SCAPER: variants seen among roughly 807,000 people sequenced by gnomAD.
SCAPER encodes S-phase cyclin A associated protein in the ER.
Under a neutral mutation model 182.2 loss-of-function variants are expected in SCAPER, and 98 were observed. The observed-to-expected ratio is 0.54, with a 90% CI of 0.46 to 0.64. The LOEUF (loss-of-function observed/expected upper bound fraction) is 0.64. Among genes scored for constraint, SCAPER ranks in the 30% least tolerant of loss-of-function variants. The pLI is 0.00. For synonymous variants in SCAPER, 605 were observed against 564.6 expected (o/e 1.07, Z -1.01); for missense variants, 1,432 against 1,690.0 (o/e 0.85, Z 2.68).
intron 23 of SCAPER, among the ~76,000 whole-genome samples, chr15:76,568,740 T>C (rs1039582506): frequency 6.6e-6 from 1 of 152,178 alleles, no homozygotes; most frequent in African/African-American, 2.4e-5. Context: ...AATAGTGTTT[T>C]AGAATTTCCA....
chr15:76,769,003 CA>C (rs1438093091), intron 10 of SCAPER, among the ~76,000 whole-genome samples: 1 of 152,004 alleles, frequency 6.6e-6, no homozygotes, highest in Non-Finnish European at 1.5e-5. Flanking sequence ...AGAAGTCAAG[CA>C]AAGCTTACAC....
chr15:76,881,938 AAG>A (rs2073567047), intron 2 of SCAPER, among the ~76,000 whole-genome samples: 1 of 152,218 alleles, frequency 6.6e-6, no homozygotes, highest in South Asian at 2.1e-4. Flanking sequence ...GAAGAGGAAG[AAG>A]AGAGAAGAAA....
chr15:76,765,758 GA>G (rs1280894498), intron 11 of SCAPER, 120 bp from the exon 12 acceptor site: 1 of 811,980 alleles, frequency 1.2e-6, no homozygotes, highest in East Asian at 2.7e-5. Flanking sequence ...ACCAACAGTT[GA>G]AAACCAGGAA....
intron 24 of SCAPER, among the ~76,000 whole-genome samples, chr15:76,494,803 A>ATG (rs1174045433): frequency 1.3e-5 from 2 of 152,108 alleles, no homozygotes; most frequent in African/African-American, 4.8e-5. Flanking sequence ...CTCAACTATG[A>ATG]TGTAAGCTCT....
At chr15:76,621,032 T>C (rs1485517751) in intron 22 of SCAPER, among the ~76,000 whole-genome samples, 1 of 151,914 alleles carries the variant, frequency 6.6e-6, no homozygotes, top group Non-Finnish European at 1.5e-5. Flanking sequence ...TTTAAAAGAG[T>C]CATCTATGTA....
intron 27 of SCAPER, among the ~76,000 whole-genome samples, chr15:76,382,308 A>AG (rs1461943783): frequency 2.6e-5 from 4 of 152,244 alleles, no homozygotes; most frequent in South Asian, 2.1e-4. Context: ...GTAAAGCAGC[A>AG]GGGGTATGCT....
chr15:76,425,329 T>C (rs1180687782), intron 26 of SCAPER, among the ~76,000 whole-genome samples: 1 of 152,172 alleles, frequency 6.6e-6, no homozygotes, highest in Non-Finnish European at 1.5e-5. Flanking sequence ...TTACTCTTTT[T>C]TCTCTAAACT....
At chr15:76,794,319 G>A (rs991111122) in intron 8 of SCAPER, among the ~76,000 whole-genome samples, 1 of 152,050 alleles carries the variant, frequency 6.6e-6, no homozygotes, top group African/African-American at 2.4e-5. Context: ...TAAGTTTTTT[G>A]CAATTTTGAT....
intron 28 of SCAPER, among the ~76,000 whole-genome samples, chr15:76,377,114 C>T (rs2042626679): frequency 6.6e-6 from 1 of 152,206 alleles, no homozygotes; most frequent in Non-Finnish European, 1.5e-5. Flanking sequence ...TGGGAAAAGG[C>T]AGAGTTTTAA....
chr15:76,421,643 A>G (rs1262775871), intron 26 of SCAPER, among the ~76,000 whole-genome samples: 1 of 152,086 alleles, frequency 6.6e-6, no homozygotes, highest in Non-Finnish European at 1.5e-5. Context: ...CCATTTGTCA[A>G]CTTTGGCTTT....
At chr15:76,859,547 A>T (rs531518682) in intron 3 of SCAPER, among the ~76,000 whole-genome samples, 1 of 152,232 alleles carries the variant, frequency 6.6e-6, no homozygotes, top group African/African-American at 2.4e-5. Context: ...TATTGTAGTC[A>T]TAAAACAAGA....
chr15:76,574,643 G>A (rs1245073156), intron 22 of SCAPER, among the ~76,000 whole-genome samples: 3 of 152,092 alleles, frequency 2.0e-5, no homozygotes, highest in Admixed American at 6.6e-5. Flanking sequence ...ACCTGAGCAG[G>A]TTTTTATATT....
At chr15:76,482,024 A>G (rs1178314373) in intron 24 of SCAPER, among the ~76,000 whole-genome samples, 1 of 152,126 alleles carries the variant, frequency 6.6e-6, no homozygotes, top group Non-Finnish European at 1.5e-5. Flanking sequence ...TGGCAAGACT[A>G]TAGGTGGTGG....
intron 22 of SCAPER, among the ~76,000 whole-genome samples, chr15:76,610,244 C>T (rs2050857989): frequency 6.6e-6 from 1 of 152,056 alleles, no homozygotes; most frequent in Non-Finnish European, 1.5e-5. Flanking sequence ...CACCCACCAT[C>T]CTCTAAACCC....
rs576038585 is a variant in SCAPER, at chr15:76,767,201, A to G, written c.1249-113T>C. 12 of 1,037,900 alleles carry G rather than the reference A, an allele frequency of 1.2e-5. No homozygotes were observed. In the East Asian group the frequency reaches 3.3e-4, roughly 28 times the overall value. The allele number at this position is 1,037,900 out of a possible 1,614,324, so 64.3% of individuals were successfully genotyped here. A position where few individuals can be genotyped will look rare whatever the true frequency, so the allele number is the denominator to read the frequency against. The stretch of plus-strand genomic sequence containing the variant: ...AGTATACATAAAATTGTATTGATCT[A>G]GAATCATAAAAGCTGGGGTTCCATA... On this transcript the variant is annotated intron_variant, in intron 10 of 31. Transcript: ENST00000563290.
At chr15:76,590,379 AAG>A (rs2049016939) in intron 22 of SCAPER, among the ~76,000 whole-genome samples, 1 of 151,156 alleles carries the variant, frequency 6.6e-6, no homozygotes, top group Non-Finnish European at 1.5e-5. Context: ...ATTTAAGGGA[AAG>A]AGAATGTCAT....
chr15:76,550,427 A>G (rs1354856019), intron 23 of SCAPER, among the ~76,000 whole-genome samples: 1 of 152,090 alleles, frequency 6.6e-6, no homozygotes, highest in Non-Finnish European at 1.5e-5. Context: ...TTCCACTTAT[A>G]ACTGAGAACA....
Position 76,506,196 on chromosome 15 carries a change from C to G in SCAPER, c.2839-1222G>C, listed in dbSNP as rs1018213109. Reference sequence around the variant, plus strand: ...AAGAATAAGACCTAGTACTTGATAGCCCAACAGCGTGAATATAATCAATAA... The same window carrying G: ...AAGAATAAGACCTAGTACTTGATAGGCCAACAGCGTGAATATAATCAATAA... On this transcript the variant is annotated intron_variant, in intron 23 of 31. Transcript: ENST00000563290. Among the ~76,000 whole-genome samples the G allele has an allele frequency of 3.3e-5, 5 of 152,006 alleles. No individual in the cohort carries two copies. In the East Asian group the frequency reaches 7.7e-4, roughly 23 times the overall value.
At chr15:76,688,887 C>T (rs949046400) in intron 20 of SCAPER, among the ~76,000 whole-genome samples, 4 of 122,198 alleles carry the variant, frequency 3.3e-5, no homozygotes, top group East Asian at 5.0e-4. Flanking sequence ...CTTGCTCTGT[C>T]GTCCAGGCTG....
Sources: gnomAD v4.1 joint callset for allele counts (sites outside exome capture counted in the v4.1 genomes callset) on GRCh38, gnomAD v4.1.1 for gene constraint, MANE v1.5 for transcripts, NCBI Gene and HGNC (gene_info 2026-07-23, HGNC 2026-07-21) for gene names.